The following VSTM5 variants were observed in gnomAD, a reference collection of about 807,000 sequenced individuals.
VSTM5 encodes the protein V-set and transmembrane domain containing 5, also known as V-set and transmembrane domain-containing protein 5.
VSTM5 carries 21 observed loss-of-function variants against 20.3 expected under a neutral mutation model. The observed-to-expected ratio is 1.03, with a 90% CI of 0.73 to 1.49. The LOEUF is 1.49. Ranked by LOEUF, VSTM5 falls within the 40% of genes most tolerant of loss-of-function variation. The pLI is 0.00. For synonymous variants in VSTM5, 100 were observed against 102.5 expected (o/e 0.98, Z 0.14); for missense variants, 219 against 250.0 (o/e 0.88, Z 0.84).
intron 1 of VSTM5, among the ~76,000 whole-genome samples, chr11:93,835,556 C>T (rs977620471): frequency 2.6e-5 from 4 of 152,194 alleles, no homozygotes; most frequent in Non-Finnish European, 4.4e-5. Context: ...GAGCTTGATC[C>T]TAGGCCCTGT....
At position 93,821,158 on chromosome 11, in the gene VSTM5, T is replaced by C. The variant is rs1944182026; in HGVS notation, c.257A>G (p.Gln86Arg). 1 of 1,552,120 alleles carries C rather than the reference T, an allele frequency of 6.4e-7. No homozygotes were observed. Reference protein sequence around the residue: ...QKIVEWKPGTQANISQSHKDR... With the variant: ...QKIVEWKPGTRANISQSHKDR... ...CTTGTGGCTTTGAGAGATGTTGGCC[T>C]GAGTCCCTGGTTTCCACTCCACGAT... is the stretch of plus-strand genomic sequence containing the variant. The change falls in exon 2 of 4, where the codon CAG (glutamine) becomes CGG (arginine). Residue 86 changes from glutamine to arginine, a missense_variant. Physicochemically the swap from Gln to Arg is conservative, Grantham distance 43. Coordinates refer to ENST00000409977, the MANE Select transcript of VSTM5 (RefSeq NM_001144871.2).
At chr11:93,841,807 G>T (rs960947358) in intron 1 of VSTM5, among the ~76,000 whole-genome samples, 24 of 152,176 alleles carry the variant, frequency 1.6e-4, no homozygotes, top group African/African-American at 5.5e-4. Context: ...GAAAGTTTTG[G>T]GACATGCAGT....
intron 1 of VSTM5, among the ~76,000 whole-genome samples, 163 bp downstream of exon 1, chr11:93,850,249 C>T (rs1944447784): frequency 2.0e-5 from 3 of 152,132 alleles, no homozygotes; most frequent in Admixed American, 2.0e-4. Context: ...CGCCCAGCCC[C>T]ACGAGGAAGC....
chr11:93,834,610 C>T (rs1050168209), intron 1 of VSTM5, among the ~76,000 whole-genome samples: 6 of 151,324 alleles, frequency 4.0e-5, no homozygotes, highest in African/African-American at 9.7e-5. Flanking sequence ...ATGTAAAGTC[C>T]GGGTCTACAA....
chr11:93,819,920 G>A lies in VSTM5; in HGVS notation c.*649C>T, dbSNP rs1944164975. On this transcript the variant is annotated 3_prime_UTR_variant, in exon 4 of 4. Transcript: ENST00000409977. ...CTTGTATCCAAAGCTGGCCTCTCAG[G>A]AGTCCATTGAGCTCCTCTCCCATAA... 6.6e-6 allele frequency: 1 copy of A among 152,424 alleles called. No individual in the cohort carries two copies. The highest frequency in any genetic ancestry group is 1.5e-5 in the Non-Finnish European group (1 of 68,260). 9.4% of individuals were successfully genotyped at this position (152,424 alleles called of 1,614,324 possible).
intron 1 of VSTM5, among the ~76,000 whole-genome samples, chr11:93,849,799 G>C (rs1250681603): frequency 6.6e-6 from 1 of 152,206 alleles, no homozygotes; most frequent in Non-Finnish European, 1.5e-5. Flanking sequence ...TTCCGGGTCC[G>C]GCCATCCAAA....
intron 1 of VSTM5, among the ~76,000 whole-genome samples, chr11:93,846,623 A>C (rs896734307): frequency 6.6e-6 from 1 of 152,174 alleles, no homozygotes; most frequent in Non-Finnish European, 1.5e-5. Context: ...AAAAAGCAGC[A>C]TATTTATATG....
rs1273044102 is a variant in VSTM5 at position 93,850,403 on chromosome 11, G to T, written c.91+9C>A. On this transcript the variant is annotated intron_variant, in intron 1 of 3. Transcript: ENST00000409977. Reference sequence around the variant, plus strand: ...TCCCCCAGCACCCGGGGCGTCCCCCGGAGCTTACTCTGCAGACAGCGGGCT... The same window carrying T: ...TCCCCCAGCACCCGGGGCGTCCCCCTGAGCTTACTCTGCAGACAGCGGGCT... The T allele has an allele frequency of 6.7e-7, 1 of 1,488,762 alleles. No homozygotes were observed. The highest frequency in any genetic ancestry group is 9.0e-7 in the Non-Finnish European group (1 of 1,109,198). 92.2% of individuals were successfully genotyped at this position (1,488,762 alleles called of 1,614,324 possible).
At chr11:93,828,711 G>C (rs1029544418) in intron 1 of VSTM5, among the ~76,000 whole-genome samples, 1 of 152,198 alleles carries the variant, frequency 6.6e-6, no homozygotes, top group Non-Finnish European at 1.5e-5. Context: ...TTCAGCAAAT[G>C]TGATTGTCAG....
At chr11:93,830,144 G>A (rs1944269875) in intron 1 of VSTM5, among the ~76,000 whole-genome samples, 1 of 152,172 alleles carries the variant, frequency 6.6e-6, no homozygotes, top group Admixed American at 6.6e-5. Context: ...ACAGAGTGTG[G>A]GGCAGGGTGG....
chr11:93,821,068 C>T lies in VSTM5; in HGVS notation c.347G>A (p.Gly116Asp). The T allele has an allele frequency of 6.4e-7, 1 of 1,551,744 alleles. No individual in the cohort carries two copies. Among genetic ancestry groups the T allele is most frequent in the Non-Finnish European group, 8.7e-7 (1 of 1,147,006 alleles). Residue 116 changes from glycine (G) to aspartate (D), a missense_variant, in exon 2 of 4, where the codon GGC (glycine) becomes GAC (aspartate). Transcript: ENST00000409977. The stretch of plus-strand genomic sequence containing the variant: ...CTCCGTCACGGTGATGACATAGTAG[C>T]CGGAATCCCTCACTCCCACGCTGAA... ...QLFSVGVRDS[G>D]YYVITVTERL...
chr11:93,843,360 C>T (rs7121098), intron 1 of VSTM5, among the ~76,000 whole-genome samples: 1,707 of 152,192 alleles, frequency 0.011, 35 homozygotes, highest in African/African-American at 0.038. Flanking sequence ...CCTCGATCTG[C>T]CGTCAGCTAT....
intron 1 of VSTM5, among the ~76,000 whole-genome samples, chr11:93,834,266 G>A (rs76331710): frequency 0.041 from 6,273 of 152,140 alleles, 406 homozygotes; most frequent in African/African-American, 0.14. Context: ...CAATCTTACT[G>A]CATAAATTGA....
At chr11:93,849,671 G>T (rs936120916) in intron 1 of VSTM5, among the ~76,000 whole-genome samples, 14 of 152,238 alleles carry the variant, frequency 9.2e-5, no homozygotes, top group Non-Finnish European at 1.9e-4. Context: ...CCATGTGTAA[G>T]ATGGGAGTGC....
chr11:93,838,134 C>A (rs1039463220), intron 1 of VSTM5, among the ~76,000 whole-genome samples: 2 of 152,192 alleles, frequency 1.3e-5, no homozygotes, highest in Non-Finnish European at 2.9e-5. Flanking sequence ...CTGCACAAAC[C>A]CCTTCCCCTT....
rs1022689587 is a variant in VSTM5 at position 93,818,760 on chromosome 11, A to C, written c.*1809T>G. On this transcript the variant is annotated 3_prime_UTR_variant, in exon 4 of 4. Coordinates refer to ENST00000409977, the MANE Select transcript of VSTM5 (RefSeq NM_001144871.2). ...CTGTGTGAAAGACAAGAAAGAAATCAGCAGATTATCCTTGAGCCCCTTGGA... is the reference window on the plus strand; with the variant it reads ...CTGTGTGAAAGACAAGAAAGAAATCCGCAGATTATCCTTGAGCCCCTTGGA... The C allele has an allele frequency of 6.6e-6, 1 of 152,228 alleles. No individual in the cohort carries two copies. The highest frequency in any genetic ancestry group is 2.4e-5 in the African/African-American group (1 of 41,448). 9.4% of individuals were successfully genotyped at this position (152,228 alleles called of 1,614,324 possible).
chr11:93,848,173 G>A (rs1343704275), intron 1 of VSTM5, among the ~76,000 whole-genome samples: 1 of 152,092 alleles, frequency 6.6e-6, no homozygotes, highest in East Asian at 1.9e-4. Context: ...CAGACTTCAG[G>A]GTAAATAGTG....
At chr11:93,844,606 C>T (rs1225213379) in intron 1 of VSTM5, among the ~76,000 whole-genome samples, 3 of 152,206 alleles carry the variant, frequency 2.0e-5, no homozygotes, top group African/African-American at 7.2e-5. Context: ...AGAATGATCA[C>T]CCCTTCTACT....
In VSTM5 at chr11:93,826,762, C is replaced by A. The variant is rs139459866; in HGVS notation, c.92-5439G>T. 5.0e-4 allele frequency among the ~76,000 whole-genome samples: 76 copies of A among 152,236 alleles called. 1 individual carries two copies. Among genetic ancestry groups the A allele is most frequent in the African/African-American group, 1.7e-3 (70 of 41,546 alleles). On this transcript the variant is annotated intron_variant, in intron 1 of 3. Transcript: ENST00000409977. Reference sequence around the variant, plus strand: ...AACTCTCCCCTTAAAACTGCTTTTGCTGCACCCTATAAATTATGGTATGCT... The same window carrying A: ...AACTCTCCCCTTAAAACTGCTTTTGATGCACCCTATAAATTATGGTATGCT...
Sources: gnomAD v4.1 joint callset for allele counts (sites outside exome capture counted in the v4.1 genomes callset) on GRCh38, gnomAD v4.1.1 for gene constraint, MANE v1.5 for transcripts, NCBI Gene and HGNC (gene_info 2026-07-23, HGNC 2026-07-21) for gene names.